Variants in COLQ observed in about 807,000 individuals in gnomAD.
COLQ encodes the protein collagen like tail subunit of asymmetric acetylcholinesterase, also known as acetylcholinesterase collagenic tail peptide.
Under a neutral mutation model 69.0 loss-of-function variants are expected in COLQ, and 48 were observed. That is an observed-to-expected ratio of 0.70 (90% CI 0.55 to 0.88). The LOEUF (loss-of-function observed/expected upper bound fraction) is 0.88. COLQ is among the 40% of genes least tolerant of loss of function. The pLI, the probability that COLQ is intolerant of heterozygous loss-of-function variation, is 0.00. For missense variants in COLQ, 618 were observed against 594.6 expected (o/e 1.04, Z -0.41); for synonymous variants, 217 against 211.2 (o/e 1.03, Z -0.24).
At chr3:15,496,010 A>G (rs573947979) in intron 1 of COLQ, among the ~76,000 whole-genome samples, 8 of 152,220 alleles carry the variant, frequency 5.3e-5, no homozygotes, top group African/African-American at 1.9e-4. Flanking sequence ...TGCACTCATC[A>G]CCATTATTTT....
At chr3:15,484,310 T>A (rs1346418659) in intron 3 of COLQ, among the ~76,000 whole-genome samples, 1 of 152,246 alleles carries the variant, frequency 6.6e-6, no homozygotes, top group Non-Finnish European at 1.5e-5. Context: ...ATGGTGTTGA[T>A]GGTCTTTACC....
chr3:15,485,691 C>T (rs1435745120), intron 3 of COLQ, among the ~76,000 whole-genome samples: 1 of 152,184 alleles, frequency 6.6e-6, no homozygotes, highest in African/African-American at 2.4e-5. Flanking sequence ...GGTGGGGTGG[C>T]TTATGCCTAT....
intron 1 of COLQ, among the ~76,000 whole-genome samples, chr3:15,493,280 T>G (rs1288715446): frequency 6.6e-6 from 1 of 152,200 alleles, no homozygotes; most frequent in African/African-American, 2.4e-5. Flanking sequence ...CATGTTCCAT[T>G]CAGGGCTACT....
intron 5 of COLQ, among the ~76,000 whole-genome samples, chr3:15,478,150 T>C (rs984478062): frequency 2.6e-5 from 4 of 152,200 alleles, no homozygotes; most frequent in Admixed American, 1.3e-4. Flanking sequence ...GGCCTGAGCA[T>C]GGACACCACA....
intron 1 of COLQ, chr3:15,498,949 A>C: frequency 1.7e-6 from 2 of 1,185,982 alleles, no homozygotes; most frequent in Non-Finnish European, 2.1e-6. Context: ...GCTGCTTTTC[A>C]TTTGGCTCAA....
chr3:15,463,635 C>T (rs573316576), intron 12 of COLQ, among the ~76,000 whole-genome samples: 143 of 151,988 alleles, frequency 9.4e-4, no homozygotes, highest in Non-Finnish European at 1.6e-3. Flanking sequence ...TGTGAGCCAC[C>T]GCGCCTGGCC....
intron 1 of COLQ, among the ~76,000 whole-genome samples, chr3:15,491,912 G>A (rs1457585160): frequency 6.6e-6 from 1 of 151,886 alleles, no homozygotes; most frequent in East Asian, 1.9e-4. Context: ...ACAAAAATTA[G>A]CTGGGCACGG....
chr3:15,458,269 A>G lies in COLQ; in HGVS notation c.871T>C (p.Cys291Arg). ...ERGFPGPPGRCLCGPTMNVNN... is the reference protein window; with the variant it reads ...ERGFPGPPGRRLCGPTMNVNN... ...ACATTCATAGTGGGTCCACAAAGAC[A>G]TCTTCCTGGAGGCCCGGGAAATCCT... Residue 291 changes from cysteine (C) to arginine (R), a missense_variant, in exon 13 of 17, where the codon TGT becomes CGT. Cys to Arg is a radical substitution (Grantham distance 180, BLOSUM62 -3). Coordinates refer to ENST00000383788, the MANE Select transcript of COLQ (RefSeq NM_005677.4). The G allele has an allele frequency of 1.2e-6, 2 of 1,614,154 alleles. No individual in the cohort carries two copies. Among genetic ancestry groups the G allele is most frequent in the Non-Finnish European group, 1.7e-6 (2 of 1,179,994 alleles).
chr3:15,499,097 T>A (rs2062795678), intron 1 of COLQ, among the ~76,000 whole-genome samples: 1 of 148,104 alleles, frequency 6.8e-6, no homozygotes, highest in Non-Finnish European at 1.5e-5. Flanking sequence ...GGGTCTCAGC[T>A]CTAATCCTGT....
In COLQ at chr3:15,488,198, G is replaced by A. The variant is rs1489693227; in HGVS notation, c.321+8C>T. On this transcript the variant is annotated splice_region_variant and intron_variant, in intron 3 of 16. Transcript: ENST00000383788. ...GACAGCGAGAGGGGTCCGGTAGAGT[G>A]CACCAACCTGGGGGCCGGGAGGCCC... 3 of 1,607,080 alleles carry A rather than the reference G, an allele frequency of 1.9e-6. No individual in the cohort carries two copies. Among genetic ancestry groups the A allele is most frequent in the Non-Finnish European group, 2.6e-6 (3 of 1,176,076 alleles).
chr3:15,474,805 A>G (rs1289939747), intron 8 of COLQ, 120 bp downstream of exon 8: 1 of 1,179,366 alleles, frequency 8.5e-7, no homozygotes, highest in Non-Finnish European at 1.3e-6. Context: ...GGGAATAGCT[A>G]GGGATGGTGG....
chr3:15,515,521 AGATGGG>A lies in COLQ; in HGVS notation c.106+5993_106+5998del, dbSNP rs1216187341. ...CTTCTGACTGAATTGCATTTAAAGA[AGATGGG>A]GACCAGGGGCAGTGGCTCATGCCTG... On this transcript the variant is annotated intron_variant, in intron 1 of 16. Coordinates refer to ENST00000383788, the MANE Select transcript of COLQ (RefSeq NM_005677.4). Among the ~76,000 whole-genome samples, 4 of 152,380 alleles carry A rather than the reference AGATGGG, an allele frequency of 2.6e-5. No homozygotes were observed. The South Asian group carries it at 8.3e-4, about 32-fold the overall frequency.
intron 16 of COLQ, among the ~76,000 whole-genome samples, chr3:15,452,470 C>A (rs1381023250): frequency 6.6e-6 from 1 of 152,212 alleles, no homozygotes; most frequent in African/African-American, 2.4e-5. Flanking sequence ...CCTCTGTAGG[C>A]CCGGATGATC....
chr3:15,451,647 G>C lies in COLQ; in HGVS notation c.1365C>G (p.Thr455=). The C allele has an allele frequency of 6.2e-7, 1 of 1,614,188 alleles. No homozygotes were observed. Among genetic ancestry groups the C allele is most frequent in the Non-Finnish European group, 8.5e-7 (1 of 1,179,996 alleles). The change falls in exon 17 of 17, where the codon ACC becomes ACG. Residue 455 remains threonine, a synonymous_variant. Coordinates refer to ENST00000383788, the MANE Select transcript of COLQ (RefSeq NM_005677.4). ...GCCCACCTTCTCCTCACGGCCCTCA[G>C]GTGAAGTAGCGGCAGGGCGTGGAGT... ...YIDSTPCRYF[T]
chr3:15,484,367 G>A (rs935644585), intron 3 of COLQ, among the ~76,000 whole-genome samples: 2 of 152,142 alleles, frequency 1.3e-5, no homozygotes, highest in African/African-American at 4.8e-5. Context: ...TCCTTTCCAT[G>A]TTTAGTGCTT....
chr3:15,492,354 A>G (rs1309006602), intron 1 of COLQ, among the ~76,000 whole-genome samples: 1 of 152,204 alleles, frequency 6.6e-6, no homozygotes, highest in African/African-American at 2.4e-5. Flanking sequence ...CTCAATTTAT[A>G]TTATAACAGT....
At chr3:15,466,875 C>A (rs1302786844) in intron 11 of COLQ, among the ~76,000 whole-genome samples, 1 of 152,198 alleles carries the variant, frequency 6.6e-6, no homozygotes, top group Non-Finnish European at 1.5e-5. Context: ...TTCAAGGGCA[C>A]CATGTCTATT....
chr3:15,505,083 C>A (rs2125169006), intron 1 of COLQ, among the ~76,000 whole-genome samples: 1 of 152,268 alleles, frequency 6.6e-6, no homozygotes, highest in East Asian at 1.9e-4. Context: ...CAACAGAGAA[C>A]CAGAAGATAT....
At chr3:15,489,670 TG>T in intron 1 of COLQ, 33 bp from the exon 2 acceptor site, 1 of 1,589,650 alleles carries the variant, frequency 6.3e-7, no homozygotes, top group Non-Finnish European at 8.6e-7. Flanking sequence ...CGTTAGCATG[TG>T]GTCAGTGCTG....
Sources: gnomAD v4.1 joint callset for allele counts (sites outside exome capture counted in the v4.1 genomes callset) on GRCh38, gnomAD v4.1.1 for gene constraint, MANE v1.5 for transcripts, NCBI Gene and HGNC (gene_info 2026-07-23, HGNC 2026-07-21) for gene names.